Variants in DLGAP1 observed in about 807,000 individuals in gnomAD.
DLGAP1 encodes the protein disks large-associated protein 1.
A neutral mutation model predicts 90.8 loss-of-function variants in DLGAP1; 11 were observed. The ratio of observed to expected loss-of-function variants is 0.12; its 90% CI spans 0.08 to 0.20. The LOEUF (loss-of-function observed/expected upper bound fraction) is 0.20. Ranked by LOEUF, DLGAP1 falls within the 10% of genes least tolerant of loss-of-function variation. The pLI is 1.00. For synonymous variants in DLGAP1, 558 were observed against 540.7 expected, an observed-to-expected ratio of 1.03 and a Z score of -0.44; for missense variants, 1,050 against 1,333.8, an observed-to-expected ratio of 0.79 and a Z score of 3.31.
At chr18:3,993,989 G>C (rs574110124) in intron 3 of DLGAP1, among the ~76,000 whole-genome samples, 2 of 152,156 alleles carry the variant, frequency 1.3e-5, no homozygotes, top group Non-Finnish European at 2.9e-5. Context: ...TTTTGGTTTG[G>C]TAAGAATGTG....
rs976314880 is a variant in DLGAP1, at chr18:3,749,504, C to T, written c.1173-6992G>A. ...TCCAGCCTGGATTCTCATTTGGGTT[C>T]CTCTTCCTCTAACTTGCCCTTACAT... On this transcript the variant is annotated intron_variant, in intron 5 of 12. Coordinates refer to ENST00000315677, the MANE Select transcript of DLGAP1 (RefSeq NM_004746.4). 2.0e-5 allele frequency among the ~76,000 whole-genome samples: 3 copies of T among 152,218 alleles called. No individual in the cohort carries two copies. In the East Asian group the frequency reaches 5.8e-4, roughly 29 times the overall value.
chr18:4,307,993 G>C (rs1461697007), intron 1 of DLGAP1, among the ~76,000 whole-genome samples: 1 of 152,156 alleles, frequency 6.6e-6, no homozygotes, highest in Non-Finnish European at 1.5e-5. Flanking sequence ...GGGATTACGG[G>C]CATGAGCCAC....
chr18:3,906,270 C>T (rs1473381227), intron 3 of DLGAP1, among the ~76,000 whole-genome samples: 2 of 152,192 alleles, frequency 1.3e-5, no homozygotes, highest in Non-Finnish European at 2.9e-5. Flanking sequence ...CTGCTTTGTC[C>T]TTTGCCCATC....
chr18:3,600,847 GATAT>G (rs373444350), intron 7 of DLGAP1, among the ~76,000 whole-genome samples: 29 of 27,316 alleles, frequency 1.1e-3, no homozygotes, highest in African/African-American at 3.4e-3. Context: ...GATATATATA[GATAT>G]ATAGATATAT....
chr18:3,945,854 T>C (rs867132362), intron 3 of DLGAP1, among the ~76,000 whole-genome samples: 8 of 151,842 alleles, frequency 5.3e-5, no homozygotes, highest in Middle Eastern at 3.4e-3. Context: ...CCTTTAAATA[T>C]AATGAAAATA....
At chr18:3,810,056 A>T (rs1329731655) in intron 5 of DLGAP1, among the ~76,000 whole-genome samples, 1 of 152,202 alleles carries the variant, frequency 6.6e-6, no homozygotes, top group Non-Finnish European at 1.5e-5. Context: ...ACGCCATTTC[A>T]AATTTATTGT....
intron 1 of DLGAP1, among the ~76,000 whole-genome samples, chr18:4,192,945 A>G (rs559265860): frequency 7.7e-4 from 117 of 152,390 alleles, no homozygotes; most frequent in Non-Finnish European, 5.1e-4. Context: ...AAATTCCAGA[A>G]AAAGACATCT....
At chr18:3,708,435 A>G (rs1405643732) in intron 7 of DLGAP1, 2 of 456,562 alleles carry the variant, frequency 4.4e-6, no homozygotes, top group African/African-American at 2.0e-5. Flanking sequence ...CCTGAGTGGT[A>G]TCAGGGGTGG....
intron 1 of DLGAP1, among the ~76,000 whole-genome samples, chr18:4,207,673 A>G (rs576294871): frequency 1.3e-5 from 2 of 152,202 alleles, no homozygotes; most frequent in East Asian, 1.9e-4. Context: ...GAGGCCAAAC[A>G]CAGATCTGCC....
chr18:4,443,756 A>G (rs971283297), intron 1 of DLGAP1, among the ~76,000 whole-genome samples: 1 of 152,242 alleles, frequency 6.6e-6, no homozygotes, highest in African/African-American at 2.4e-5. Context: ...AGATATGCCA[A>G]TATGGCTACC....
chr18:3,537,789 T>G (rs1232120357), intron 9 of DLGAP1, among the ~76,000 whole-genome samples: 1 of 152,230 alleles, frequency 6.6e-6, no homozygotes, highest in African/African-American at 2.4e-5. Flanking sequence ...TTTCTGTTTT[T>G]TGACAGAATG....
chr18:3,886,032 T>G (rs1411340134), intron 3 of DLGAP1, among the ~76,000 whole-genome samples: 2 of 152,220 alleles, frequency 1.3e-5, no homozygotes, highest in African/African-American at 4.8e-5. Flanking sequence ...TTTTGATTTT[T>G]GTGCATGTCT....
intron 4 of DLGAP1, among the ~76,000 whole-genome samples, chr18:3,852,338 T>C (rs559806820): frequency 6.6e-6 from 1 of 152,128 alleles, no homozygotes; most frequent in Non-Finnish European, 1.5e-5. Flanking sequence ...ATCAGATTTA[T>C]CCACAGAAAT....
At chr18:4,232,145 G>A (rs548051995) in intron 1 of DLGAP1, among the ~76,000 whole-genome samples, 1 of 152,122 alleles carries the variant, frequency 6.6e-6, no homozygotes, top group Non-Finnish European at 1.5e-5. Context: ...AAAACAATGA[G>A]CATAAAACCT....
intron 1 of DLGAP1, among the ~76,000 whole-genome samples, chr18:4,188,418 T>A (rs764772779): frequency 6.6e-6 from 1 of 152,120 alleles, no homozygotes; most frequent in Non-Finnish European, 1.5e-5. Flanking sequence ...CCCGTCATCT[T>A]AAGCCTTGCA....
chr18:3,708,471 G>A (rs781448253), intron 7 of DLGAP1: 17 of 456,442 alleles, frequency 3.7e-5, no homozygotes, highest in Middle Eastern at 3.2e-4. Context: ...CTACCCTAGC[G>A]CCCAGGATTC....
intron 7 of DLGAP1, among the ~76,000 whole-genome samples, chr18:3,648,080 A>C (rs1385672824): frequency 6.6e-6 from 1 of 152,224 alleles, no homozygotes; most frequent in East Asian, 1.9e-4. Flanking sequence ...CACTGTACTC[A>C]GCAGAAGTGT....
At chr18:4,235,748 C>T (rs763966174) in intron 1 of DLGAP1, among the ~76,000 whole-genome samples, 37 of 75,988 alleles carry the variant, frequency 4.9e-4, no homozygotes, top group Non-Finnish European at 6.5e-4. Flanking sequence ...TTTTTTGAGA[C>T]GGAGTCTCAC....
chr18:4,263,308 T>C (rs1216456940), intron 1 of DLGAP1, among the ~76,000 whole-genome samples: 1 of 152,198 alleles, frequency 6.6e-6, no homozygotes, highest in African/African-American at 2.4e-5. Context: ...AAAATAATAT[T>C]ACTGACTAGA....
Sources: gnomAD v4.1 joint callset for allele counts (sites outside exome capture counted in the v4.1 genomes callset) on GRCh38, gnomAD v4.1.1 for gene constraint, MANE v1.5 for transcripts, NCBI Gene and HGNC (gene_info 2026-07-23, HGNC 2026-07-21) for gene names.